Variants in SLC9A6 observed in about 807,000 individuals in gnomAD.
The protein encoded by SLC9A6 is solute carrier family 9 member A6.
Under a neutral mutation model 45.3 loss-of-function variants are expected in SLC9A6, and 6 were observed. The observed-to-expected ratio is 0.13, with a 90% CI of 0.07 to 0.26. The LOEUF (loss-of-function observed/expected upper bound fraction) is 0.26. Among genes scored for constraint, SLC9A6 ranks in the 10% least tolerant of loss-of-function variants. SLC9A6 has a pLI of 1.00. For synonymous variants in SLC9A6, 191 were observed against 187.7 expected, an observed-to-expected ratio of 1.02 and a Z score of -0.14; for missense variants, 278 against 503.7, an observed-to-expected ratio of 0.55 and a Z score of 4.29.
intron 2 of SLC9A6, among the ~76,000 whole-genome samples, chrX:135,987,632 G>A (rs1466412441): frequency 9.1e-6 from 1 of 109,617 alleles, no homozygotes; most frequent in Non-Finnish European, 1.9e-5. Context: ...CTCTGTCGCT[G>A]TTGCATTTTT....
intron 6 of SLC9A6, among the ~76,000 whole-genome samples, chrX:135,999,672 C>G (rs925008439): frequency 4.5e-5 from 5 of 111,612 alleles, no homozygotes; most frequent in South Asian, 3.7e-4. Flanking sequence ...AACTTAACAG[C>G]TACATTCAAA....
intron 2 of SLC9A6, among the ~76,000 whole-genome samples, chrX:135,993,120 T>A (rs2089456102): frequency 8.9e-6 from 1 of 112,332 alleles, no homozygotes; most frequent in Admixed American, 9.5e-5. Flanking sequence ...AATGAGGTTC[T>A]GATGCATGCT....
At chrX:135,985,865 C>A (rs782614628) in intron 2 of SLC9A6, 38 bp downstream of exon 2, 1 of 1,201,497 alleles carries the variant, frequency 8.3e-7, no homozygotes, top group African/African-American at 1.8e-5. Flanking sequence ...TTGGCGCTGC[C>A]CCTTTCTCTG....
intron 15 of SLC9A6, among the ~76,000 whole-genome samples, chrX:136,031,333 G>A (rs782462942): frequency 4.4e-5 from 5 of 112,795 alleles, no homozygotes; most frequent in Middle Eastern, 4.6e-3. Context: ...GAGTGACAGG[G>A]AGAGAGCCAG....
At chrX:135,975,850 G>T (rs1171978235) in intron 1 of SLC9A6, among the ~76,000 whole-genome samples, 1 of 110,600 alleles carries the variant, frequency 9.0e-6, no homozygotes, top group Non-Finnish European at 1.9e-5. Flanking sequence ...AGTAGCACAT[G>T]CTTGTAGTCC....
rs1326969211 is a variant in SLC9A6 at position 135,985,443 on chromosome X, G to A, written c.-91G>A. ...CCCCGCCCCTTTCCCGTGAGCCCTCGGGGAGTGGTCCGACCGCGGGCGGCC... is the reference window on the plus strand; with the variant it reads ...CCCCGCCCCTTTCCCGTGAGCCCTCAGGGAGTGGTCCGACCGCGGGCGGCC... On this transcript the variant is annotated 5_prime_UTR_variant, in exon 1 of 18. Transcript: ENST00000630721. The A allele has an allele frequency of 1.3e-5, 12 of 892,212 alleles. No homozygotes were observed. The highest frequency in any genetic ancestry group is 1.7e-5 in the Non-Finnish European group (12 of 688,555). The allele number at this position is 892,212 out of a possible 1,213,427, so 73.5% of individuals were successfully genotyped here.
Position 136,036,844 on chromosome X carries a change from T to C in SLC9A6, c.1662-3232T>C, listed in dbSNP as rs992419448. ...TTTTTTTCTAGAAGTATGATTGCTTTAACTATCACATTTAAGTCTTTGATC... is the reference window on the plus strand; with the variant it reads ...TTTTTTTCTAGAAGTATGATTGCTTCAACTATCACATTTAAGTCTTTGATC... On this transcript the variant is annotated intron_variant, in intron 16 of 17. Transcript: ENST00000630721. Among the ~76,000 whole-genome samples the C allele has an allele frequency of 3.5e-5, 4 of 113,025 alleles. No individual in the cohort carries two copies. The East Asian group carries it at 1.1e-3, about 31-fold the overall frequency.
intron 2 of SLC9A6, among the ~76,000 whole-genome samples, chrX:135,987,296 T>C (rs1556615086): frequency 8.9e-6 from 1 of 112,097 alleles, no homozygotes; most frequent in East Asian, 2.8e-4. Context: ...TGCATAACAG[T>C]GTGTGATTTA....
chrX:136,039,571 A>G (rs2071472597), intron 16 of SLC9A6, among the ~76,000 whole-genome samples: 1 of 112,022 alleles, frequency 8.9e-6, no homozygotes, highest in African/African-American at 3.2e-5. Context: ...TGAAGTTTCA[A>G]CTTATACCAT....
intron 7 of SLC9A6, 27 bp from the exon 8 acceptor site, chrX:136,010,415 G>A: frequency 1.7e-6 from 2 of 1,207,604 alleles, no homozygotes; most frequent in Non-Finnish European, 2.2e-6. Context: ...GTTGTTTTCA[G>A]AAGTAAAAGC....
rs1477847974 is a variant in SLC9A6 at position 135,976,155 on chromosome X, A to C, written c.-57+1372A>C. Reference sequence around the variant, plus strand: ...CCTCTAAGCCAGAATTTTACACAATACTTGATGGATGTCAAGTGCAGTATA... The same window carrying C: ...CCTCTAAGCCAGAATTTTACACAATCCTTGATGGATGTCAAGTGCAGTATA... On this transcript the variant is annotated intron_variant, in intron 1 of 16. Transcript: ENST00000636092. 2.7e-5 allele frequency among the ~76,000 whole-genome samples: 3 copies of C among 111,022 alleles called. No individual in the cohort carries two copies. The East Asian group carries it at 8.4e-4, about 31-fold the overall frequency.
At chrX:136,008,390 C>G (rs782024149) in intron 7 of SLC9A6, among the ~76,000 whole-genome samples, 1 of 111,347 alleles carries the variant, frequency 9.0e-6, no homozygotes, top group South Asian at 3.8e-4. Context: ...CATGCACCAC[C>G]ATGCCCGGCT....
rs1453511694 is a variant in SLC9A6 at position 136,000,995 on chromosome X, TTAAA to T, written c.638-1104_638-1101del. Among the ~76,000 whole-genome samples the T allele has an allele frequency of 2.2e-4, 24 of 109,864 alleles. No individual in the cohort carries two copies. In the East Asian group the frequency reaches 5.4e-3, roughly 25 times the overall value. ...GCAAGACCCTGTCTCTTAAAAAAAA[TTAAA>T]TAAATAAAATGCAAGTTTCTTGTTT... On this transcript the variant is annotated intron_variant, in intron 6 of 17. Coordinates refer to ENST00000630721, the MANE Select transcript of SLC9A6 (RefSeq NM_001379110.1).
chrX:136,012,015 A>G (rs782206843), intron 8 of SLC9A6, among the ~76,000 whole-genome samples: 14 of 112,583 alleles, frequency 1.2e-4, no homozygotes, highest in South Asian at 3.7e-4. Context: ...GCATGAACCC[A>G]GGAGGCGGAG....
At chrX:135,986,467 T>C (rs1046287098) in intron 2 of SLC9A6, among the ~76,000 whole-genome samples, 2 of 111,333 alleles carry the variant, frequency 1.8e-5, no homozygotes, top group African/African-American at 3.3e-5. Flanking sequence ...ATATCTGATA[T>C]GGATACCTGT....
At chrX:136,014,366 T>G (rs781907197) in intron 10 of SLC9A6, among the ~76,000 whole-genome samples, 1 of 111,940 alleles carries the variant, frequency 8.9e-6, no homozygotes, top group South Asian at 3.8e-4. Context: ...TACAAATCCT[T>G]TTTACAAATT....
chrX:136,006,401 G>C (rs2089655959), intron 7 of SLC9A6, among the ~76,000 whole-genome samples: 1 of 108,467 alleles, frequency 9.2e-6, no homozygotes. Flanking sequence ...TTACTGCACA[G>C]GTCAACCCAT....
chrX:136,004,537 A>G (rs1298191587), intron 7 of SLC9A6, among the ~76,000 whole-genome samples: 1 of 112,049 alleles, frequency 8.9e-6, no homozygotes, highest in Non-Finnish European at 1.9e-5. Context: ...TTTGTTAGTT[A>G]TGAAAGAATA....
chrX:136,022,536 A>G (rs782185464), intron 11 of SLC9A6, 50 bp from the exon 12 acceptor site: 2 of 806,490 alleles, frequency 2.5e-6, no homozygotes, highest in Non-Finnish European at 3.7e-6. Flanking sequence ...TATAGTCTAA[A>G]TAATATTAAT....
Sources: gnomAD v4.1 joint callset for allele counts (sites outside exome capture counted in the v4.1 genomes callset) on GRCh38, gnomAD v4.1.1 for gene constraint, MANE v1.5 for transcripts, NCBI Gene and HGNC (gene_info 2026-07-23, HGNC 2026-07-21) for gene names.